Variants in NAA25 observed in about 807,000 individuals in gnomAD.
NAA25 encodes N-alpha-acetyltransferase 25, NatB auxiliary subunit, also known as N-terminal acetyltransferase B complex subunit NAA25.
NAA25 carries 30 observed loss-of-function variants against 132.5 expected under a neutral mutation model. That is an observed-to-expected ratio of 0.23 (90% CI 0.17 to 0.31). The LOEUF is 0.31. NAA25 is among the 10% of genes least tolerant of loss of function. The pLI is 1.00. For synonymous variants in NAA25, 359 were observed against 401.9 expected (o/e 0.89, Z 1.28); for missense variants, 771 against 1,150.4 (o/e 0.67, Z 4.77).
At chr12:112,099,042 A>G (rs560745756) in intron 1 of NAA25, among the ~76,000 whole-genome samples, 5 of 151,168 alleles carry the variant, frequency 3.3e-5, no homozygotes, top group South Asian at 4.2e-4. Context: ...GCTGGAGTGC[A>G]GTGGCATGAT....
intron 22 of NAA25, among the ~76,000 whole-genome samples, chr12:112,038,037 G>A (rs994543845): frequency 6.6e-5 from 10 of 151,874 alleles, no homozygotes; most frequent in African/African-American, 1.2e-4. Flanking sequence ...TTCCTGAGAC[G>A]GAGTCTCGCT....
At position 112,049,949 on chromosome 12, in the gene NAA25, C is replaced by T. The variant is rs2078437211; in HGVS notation, c.1729-1506G>A. Reference sequence around the variant, plus strand: ...GTAATTCCAATCAAAGTTATAATTACAGTTCCAAAGTATGCTATGATTTAA... The same window carrying T: ...GTAATTCCAATCAAAGTTATAATTATAGTTCCAAAGTATGCTATGATTTAA... On this transcript the variant is annotated intron_variant, in intron 15 of 23. Coordinates refer to ENST00000261745, the MANE Select transcript of NAA25 (RefSeq NM_024953.4). This position sits in a 1 kb window ranked among gnomAD's most constrained non-coding sequence, Gnocchi z 4.7. Among the ~76,000 whole-genome samples, 1 of 149,786 alleles carries T rather than the reference C, an allele frequency of 6.7e-6. No individual in the cohort carries two copies. Among genetic ancestry groups the T allele is most frequent in the South Asian group, 2.1e-4 (1 of 4,756 alleles).
chr12:112,043,248 C>A, intron 18 of NAA25, 37 bp from the exon 19 acceptor site: 1 of 1,551,840 alleles, frequency 6.4e-7, no homozygotes, highest in Non-Finnish European at 8.7e-7. Flanking sequence ...TCTTTTAAAT[C>A]CATCTAAATG....
chr12:112,069,728 G>A (rs2078775274), intron 10 of NAA25, among the ~76,000 whole-genome samples: 2 of 151,292 alleles, frequency 1.3e-5, no homozygotes, highest in South Asian at 4.2e-4. Context: ...GCTGAGGCAG[G>A]AGAACTGTTT....
intron 20 of NAA25, among the ~76,000 whole-genome samples, chr12:112,041,245 T>C (rs2078297709): frequency 6.6e-6 from 1 of 151,776 alleles, no homozygotes; most frequent in South Asian, 2.1e-4. Flanking sequence ...TGAAGTGTAG[T>C]GGCGCTATCT....
At chr12:112,076,873 G>A (rs936695832) in intron 7 of NAA25, among the ~76,000 whole-genome samples, 2 of 151,982 alleles carry the variant, frequency 1.3e-5, no homozygotes, top group Non-Finnish European at 2.9e-5. Context: ...GCATACGCCT[G>A]GAGTCCTAAC....
At chr12:112,072,148 A>T in intron 9 of NAA25, 84 bp from the exon 10 acceptor site, 3 of 1,029,976 alleles carry the variant, frequency 2.9e-6, no homozygotes, top group Non-Finnish European at 4.1e-6. Context: ...TCATTTAAAA[A>T]GAGAAAAACG....
At chr12:112,106,955 C>CCA (rs1566039656) in intron 1 of NAA25, among the ~76,000 whole-genome samples, 1 of 25,828 alleles carries the variant, frequency 3.9e-5, no homozygotes, top group Non-Finnish European at 8.4e-5. Flanking sequence ...AGACTGTCTC[C>CCA]AAAAAAAAAA....
At chr12:112,075,504 A>G (rs1262465270) in intron 8 of NAA25, among the ~76,000 whole-genome samples, 174 bp downstream of exon 8, 4 of 152,048 alleles carry the variant, frequency 2.6e-5, no homozygotes, top group Non-Finnish European at 5.9e-5. Context: ...GTACCATTAT[A>G]ATACTCTACT....
intron 22 of NAA25, among the ~76,000 whole-genome samples, chr12:112,036,480 A>G (rs1241251732): frequency 6.6e-6 from 1 of 152,152 alleles, no homozygotes; most frequent in Non-Finnish European, 1.5e-5. Flanking sequence ...ACAAAAAGGG[A>G]ATGAGGGAAA....
chr12:112,065,909 A>G (rs1593788481), intron 11 of NAA25, among the ~76,000 whole-genome samples: 1 of 152,210 alleles, frequency 6.6e-6, no homozygotes, highest in African/African-American at 2.4e-5. Context: ...GACTGGCAGG[A>G]TATTTAGCTA....
intron 8 of NAA25, 152 bp downstream of exon 8, chr12:112,075,526 G>T (rs1276260265): frequency 5.2e-6 from 3 of 580,558 alleles, no homozygotes; most frequent in East Asian, 3.0e-5. Context: ...AAAGATGAAG[G>T]CTCCTTAAAA....
At chr12:112,095,993 A>G (rs2079208098) in intron 1 of NAA25, among the ~76,000 whole-genome samples, 1 of 152,226 alleles carries the variant, frequency 6.6e-6, no homozygotes, top group Non-Finnish European at 1.5e-5. Flanking sequence ...ACAATTATGT[A>G]TCATGTTGGC....
At chr12:112,043,928 ATT>A (rs372332897) in intron 17 of NAA25, 60 bp from the exon 18 acceptor site, 12,923 of 1,268,166 alleles carry the variant, frequency 0.01, no homozygotes, top group East Asian at 0.013. Flanking sequence ...ATTGCTTTCA[ATT>A]TTTTTTTTTT....
chr12:112,074,876 G>C, intron 8 of NAA25, 112 bp from the exon 9 acceptor site: 1 of 686,700 alleles, frequency 1.5e-6, no homozygotes, highest in South Asian at 2.3e-5. Flanking sequence ...TATGTAGTAG[G>C]TTGGCTTACC....
chr12:112,057,017 G>A (rs1002255570), intron 13 of NAA25, among the ~76,000 whole-genome samples: 4 of 151,596 alleles, frequency 2.6e-5, no homozygotes, highest in African/African-American at 4.9e-5. Flanking sequence ...GTAAAACCCC[G>A]TCTCTACTAA....
chr12:112,054,909 G>C (rs946394286), intron 13 of NAA25, among the ~76,000 whole-genome samples: 1 of 152,126 alleles, frequency 6.6e-6, no homozygotes, highest in African/African-American at 2.4e-5. Context: ...CCTTGCCCCT[G>C]CAGGATTTCC....
intron 1 of NAA25, among the ~76,000 whole-genome samples, chr12:112,095,907 G>A (rs1235910861): frequency 2.0e-5 from 3 of 152,140 alleles, no homozygotes; most frequent in African/African-American, 7.2e-5. Context: ...GTGGATATAG[G>A]TCTTCATACA....
rs546930214 is a variant in NAA25 at position 112,075,862 on chromosome 12, CA to C, written c.665-74del. ...CAATAACCAGAATAGAGTCCAACCA[CA>C]AGAAGGAAAATGTCACATTTTCTTT... is the stretch of plus-strand genomic sequence containing the variant. On this transcript the variant is annotated intron_variant, in intron 7 of 23. Transcript: ENST00000261745. 2.5e-4 allele frequency: 299 copies of C among 1,191,022 alleles called. 2 individuals are homozygous for C. In the South Asian group the frequency reaches 3.7e-3, roughly 15 times the overall value. 73.8% of individuals were successfully genotyped at this position (1,191,022 alleles called of 1,614,324 possible).
Sources: allele counts gnomAD v4.1 joint callset (sites outside exome capture counted in the v4.1 genomes callset), GRCh38; gene constraint gnomAD v4.1.1; non-coding constraint Gnocchi (gnomAD v3.1); transcripts MANE v1.5; gene names NCBI Gene and HGNC (gene_info 2026-07-23, HGNC 2026-07-21).